The following SHB variants were observed in gnomAD, a reference collection of about 807,000 sequenced individuals.
SHB encodes the protein SH2 domain containing adaptor protein B, also known as SH2 domain-containing adapter protein B.
A neutral mutation model predicts 52.3 loss-of-function variants in SHB; 20 were observed. That is an observed-to-expected ratio of 0.38 (90% CI 0.27 to 0.56). The LOEUF (loss-of-function observed/expected upper bound fraction) is 0.56. SHB is among the 20% of genes least tolerant of loss of function. The probability of loss-of-function intolerance (pLI) is 0.71; values close to 1 mark genes in which losing one functional copy is unlikely to be tolerated. For synonymous variants in SHB, 397 were observed against 316.5 expected, an observed-to-expected ratio of 1.25 and a Z score of -2.70; for missense variants, 825 against 723.3, an observed-to-expected ratio of 1.14 and a Z score of -1.61.
intron 3 of SHB, among the ~76,000 whole-genome samples, chr9:37,957,851 G>A (rs1481835052): frequency 6.6e-6 from 1 of 152,198 alleles, no homozygotes; most frequent in African/African-American, 2.4e-5. Context: ...ATATCTGAAG[G>A]GAGGAAGGAA....
intron 2 of SHB, among the ~76,000 whole-genome samples, chr9:38,006,680 A>G (rs112733237): frequency 6.6e-6 from 1 of 152,200 alleles, no homozygotes. Context: ...GAGGGGCCTG[A>G]GCCCTCGCTG....
intron 5 of SHB, among the ~76,000 whole-genome samples, chr9:37,926,744 A>G (rs1343884520): frequency 6.6e-6 from 1 of 152,264 alleles, no homozygotes; most frequent in African/African-American, 2.4e-5. Flanking sequence ...CTGCTATCTT[A>G]GCAGAAAGCC....
intron 5 of SHB, among the ~76,000 whole-genome samples, chr9:37,944,642 G>A (rs1832471899): frequency 6.6e-6 from 1 of 152,126 alleles, no homozygotes; most frequent in Non-Finnish European, 1.5e-5. Context: ...GCAGGACCTT[G>A]GTGAGTGCAA....
intron 2 of SHB, among the ~76,000 whole-genome samples, chr9:37,985,759 A>G (rs1820798838): frequency 6.6e-6 from 1 of 152,210 alleles, no homozygotes; most frequent in Non-Finnish European, 1.5e-5. Flanking sequence ...GCTGAGCACT[A>G]GATGCATTAG....
chr9:38,051,516 G>C (rs1821749483), intron 1 of SHB, among the ~76,000 whole-genome samples: 3 of 151,928 alleles, frequency 2.0e-5, no homozygotes, highest in Admixed American at 2.0e-4. Context: ...AGCATGCCCG[G>C]GTTGAGTGTC....
intron 5 of SHB, among the ~76,000 whole-genome samples, chr9:37,932,142 C>T (rs966833208): frequency 3.3e-5 from 5 of 151,778 alleles, no homozygotes; most frequent in Middle Eastern, 3.4e-3. Context: ...ATTAGCCAGG[C>T]ATGGTGGCGG....
At chr9:38,024,382 G>A (rs1295972680) in intron 1 of SHB, among the ~76,000 whole-genome samples, 1 of 152,262 alleles carries the variant, frequency 6.6e-6, no homozygotes. Context: ...AGTGTGGGGG[G>A]TTAAAGTGGT....
In SHB at chr9:37,917,191, A is replaced by G. The variant is rs2118439605; in HGVS notation, c.*2630T>C. Among the ~76,000 whole-genome samples the G allele has an allele frequency of 6.6e-6, 1 of 152,356 alleles. No individual in the cohort carries two copies. The highest frequency in any genetic ancestry group is 1.9e-4 in the East Asian group (1 of 5,180). On this transcript the variant is annotated 3_prime_UTR_variant, in exon 6 of 6. Transcript: ENST00000377707. ...AGGAAACGGTCACAATTAGAGGAAG[A>G]AGAGGGAGAGGTTCATAAAATTAAG...
At chr9:37,961,608 C>T (rs1372010865) in intron 3 of SHB, among the ~76,000 whole-genome samples, 3 of 152,230 alleles carry the variant, frequency 2.0e-5, no homozygotes, top group East Asian at 3.8e-4. Context: ...GACAGCCAGT[C>T]CCCAGATCTA....
At chr9:38,062,146 T>G (rs938652216) in intron 1 of SHB, among the ~76,000 whole-genome samples, 2 of 152,142 alleles carry the variant, frequency 1.3e-5, no homozygotes, top group Non-Finnish European at 2.9e-5. Context: ...CCAGTAAATA[T>G]CCAAGCCTCA....
At chr9:37,940,454 G>A (rs1832422118) in intron 5 of SHB, among the ~76,000 whole-genome samples, 1 of 152,184 alleles carries the variant, frequency 6.6e-6, no homozygotes, top group Non-Finnish European at 1.5e-5. Flanking sequence ...GCTTCTAATT[G>A]TGGCATTTCT....
chr9:37,977,278 G>A (rs970082816), intron 2 of SHB, among the ~76,000 whole-genome samples: 3 of 152,178 alleles, frequency 2.0e-5, no homozygotes, highest in African/African-American at 7.2e-5. Flanking sequence ...GCTGAGCGTG[G>A]GGCTTGCTTT....
chr9:38,016,358 C>A (rs1384545553), intron 1 of SHB, among the ~76,000 whole-genome samples: 1 of 152,204 alleles, frequency 6.6e-6, no homozygotes, highest in Non-Finnish European at 1.5e-5. Context: ...CTCGTGCATG[C>A]CTGGCTGGCT....
At chr9:37,961,245 G>A (rs1156981514) in intron 3 of SHB, among the ~76,000 whole-genome samples, 5 of 152,180 alleles carry the variant, frequency 3.3e-5, no homozygotes, top group African/African-American at 1.2e-4. Context: ...TGTGGGTGCT[G>A]CGCCTGGGAT....
chr9:38,038,948 G>A (rs543939878), intron 1 of SHB, among the ~76,000 whole-genome samples: 11 of 152,338 alleles, frequency 7.2e-5, no homozygotes, highest in East Asian at 3.9e-4. Flanking sequence ...TCAGGAGCCC[G>A]AGGAAGTGAG....
rs893148149 is a variant in SHB at position 38,068,004 on chromosome 9, G to A, written c.642C>T (p.Ala214=). 5.9e-6 allele frequency: 9 copies of A among 1,527,918 alleles called. No homozygotes were observed. The highest frequency in any genetic ancestry group is 7.0e-6 in the Non-Finnish European group (8 of 1,146,406). 94.6% of individuals were successfully genotyped at this position (1,527,918 alleles called of 1,614,324 possible). The change falls in exon 1 of 6, where the codon GCC becomes GCT. Residue 214 remains alanine, a synonymous_variant. Transcript: ENST00000377707. ...TGTTGAGCAGTTTCTTGCCTCCGCA[G>A]GCCGTCGGGCTCCAGGTGCGGCCGC... is the stretch of plus-strand genomic sequence containing the variant. ...CAGGRTWSPT[A]CGGKKLLNKC...
At chr9:37,931,530 C>T (rs1254786731) in intron 5 of SHB, among the ~76,000 whole-genome samples, 3 of 152,212 alleles carry the variant, frequency 2.0e-5, no homozygotes, top group Non-Finnish European at 2.9e-5. Flanking sequence ...CAAGTCAAAA[C>T]CACTATGAGG....
intron 5 of SHB, among the ~76,000 whole-genome samples, chr9:37,921,737 A>G (rs1457067047): frequency 2.0e-5 from 3 of 152,240 alleles, no homozygotes; most frequent in Non-Finnish European, 4.4e-5. Flanking sequence ...TAGGCTGCAG[A>G]AAGGAAACGG....
At chr9:37,944,236 C>A (rs1485911114) in intron 5 of SHB, among the ~76,000 whole-genome samples, 2 of 152,190 alleles carry the variant, frequency 1.3e-5, no homozygotes, top group Non-Finnish European at 2.9e-5. Context: ...GCAGGCGCCA[C>A]TGTGGGTCAC....
Sources: gnomAD v4.1 joint callset for allele counts (sites outside exome capture counted in the v4.1 genomes callset) on GRCh38, gnomAD v4.1.1 for gene constraint, MANE v1.5 for transcripts, NCBI Gene and HGNC (gene_info 2026-07-23, HGNC 2026-07-21) for gene names.